Variants in RPS6KC1 observed in about 807,000 individuals in gnomAD.
The protein encoded by RPS6KC1 is inactive ribosomal protein S6 kinase delta-1.
RPS6KC1 carries 54 observed loss-of-function variants against 103.8 expected under a neutral mutation model. The ratio of observed to expected loss-of-function variants is 0.52; its 90% CI spans 0.42 to 0.65. The LOEUF (loss-of-function observed/expected upper bound fraction) is 0.65. RPS6KC1 is among the 30% of genes least tolerant of loss of function. RPS6KC1 has a pLI of 0.00. For synonymous variants in RPS6KC1, 439 were observed against 438.7 expected (o/e 1.00, Z -0.01); for missense variants, 1,151 against 1,253.8 (o/e 0.92, Z 1.24).
At chr1:213,103,856 G>A (rs2082235400) in intron 3 of RPS6KC1, among the ~76,000 whole-genome samples, 1 of 152,146 alleles carries the variant, frequency 6.6e-6, no homozygotes, top group Admixed American at 6.5e-5. Flanking sequence ...TCTATGGAAA[G>A]CACCTTTTGA....
chr1:213,463,451 A>T, the RPS6KC1 span, among the ~76,000 whole-genome samples: 16 of 152,288 alleles, frequency 1.1e-4, no homozygotes, highest in African/African-American at 3.9e-4. Flanking sequence ...AGTTTTAAGA[A>T]ACAGTACGGA....
chr1:213,847,766 T>TC, the RPS6KC1 span, among the ~76,000 whole-genome samples: 2 of 152,054 alleles, frequency 1.3e-5, no homozygotes, highest in African/African-American at 4.8e-5. Flanking sequence ...GGATCCTCTC[T>TC]CAGAAGACGC....
the RPS6KC1 span, among the ~76,000 whole-genome samples, chr1:213,601,500 A>G: frequency 6.7e-6 from 1 of 149,762 alleles, no homozygotes; most frequent in East Asian, 1.9e-4. Flanking sequence ...ATATATATTT[A>G]TATACTTATG....
rs188056304 is a variant in RPS6KC1, at chr1:213,105,140, C to G, written c.378+571C>G. 6.0e-5 allele frequency among the ~76,000 whole-genome samples: 9 copies of G among 150,670 alleles called. No individual in the cohort carries two copies. The East Asian group carries it at 1.7e-3, about 29-fold the overall frequency. On this transcript the variant is annotated intron_variant, in intron 4 of 14. Coordinates refer to ENST00000366960, the MANE Select transcript of RPS6KC1 (RefSeq NM_012424.6). ...AACTGCACAGTTTTAGAGAGCAGGC[C>G]AGTGCAAATTATATTACTGGAGATC...
the RPS6KC1 span, among the ~76,000 whole-genome samples, chr1:213,861,393 C>T: frequency 0.013 from 1,993 of 152,202 alleles, 25 homozygotes; most frequent in Middle Eastern, 0.02. Context: ...GGGTGCGCAC[C>T]CAGGCCCAGG....
the RPS6KC1 span, among the ~76,000 whole-genome samples, chr1:213,850,558 G>A: frequency 1.3e-5 from 2 of 152,160 alleles, no homozygotes; most frequent in Non-Finnish European, 2.9e-5. Flanking sequence ...GAGCTACTAA[G>A]CACCCACACA....
intron 10 of RPS6KC1, among the ~76,000 whole-genome samples, chr1:213,237,704 G>A (rs1015198956): frequency 2.0e-5 from 3 of 151,912 alleles, no homozygotes; most frequent in Non-Finnish European, 4.4e-5. Flanking sequence ...AAAAACAATA[G>A]ACTTAAAATC....
At chr1:213,741,158 C>T in the RPS6KC1 span, among the ~76,000 whole-genome samples, 1 of 151,008 alleles carries the variant, frequency 6.6e-6, no homozygotes, top group Non-Finnish European at 1.5e-5. Context: ...TTATGGGGTA[C>T]TACGTGGTGT....
chr1:213,502,367 G>A, the RPS6KC1 span, among the ~76,000 whole-genome samples: 2 of 152,110 alleles, frequency 1.3e-5, no homozygotes, highest in Admixed American at 1.3e-4. Context: ...CCTTAATAAA[G>A]AGCTTCTAGA....
the RPS6KC1 span, among the ~76,000 whole-genome samples, chr1:213,753,754 G>A: frequency 1.4e-4 from 21 of 152,084 alleles, no homozygotes; most frequent in African/African-American, 3.1e-4. Flanking sequence ...GCTCCTCCCC[G>A]ACTTCAACTC....
At chr1:213,490,139 T>C in the RPS6KC1 span, among the ~76,000 whole-genome samples, 1,452 of 152,226 alleles carry the variant, frequency 9.5e-3, 17 homozygotes, top group South Asian at 0.026. Context: ...GCAGTGAGGA[T>C]GGAGAAGGGC....
At chr1:213,719,839 G>A in the RPS6KC1 span, among the ~76,000 whole-genome samples, 1 of 152,172 alleles carries the variant, frequency 6.6e-6, no homozygotes, top group Non-Finnish European at 1.5e-5. Flanking sequence ...GTGATAGGGA[G>A]GAGAGGGTTG....
intron 7 of RPS6KC1, among the ~76,000 whole-genome samples, chr1:213,169,587 A>G (rs1558467415): frequency 6.6e-6 from 1 of 151,986 alleles, no homozygotes; most frequent in Non-Finnish European, 1.5e-5. Context: ...TTATGTAAAC[A>G]TTACTTTGAT....
the RPS6KC1 span, among the ~76,000 whole-genome samples, chr1:213,752,905 G>C: frequency 1.3e-5 from 2 of 152,172 alleles, no homozygotes; most frequent in African/African-American, 4.8e-5. Flanking sequence ...TCATCACAAA[G>C]AGCAAACCAG....
the RPS6KC1 span, among the ~76,000 whole-genome samples, chr1:213,345,147 C>T: frequency 6.6e-6 from 1 of 151,954 alleles, no homozygotes; most frequent in Admixed American, 6.6e-5. Flanking sequence ...TTTATTTACT[C>T]AAGAATAAAT....
At chr1:213,540,314 C>T in the RPS6KC1 span, among the ~76,000 whole-genome samples, 1 of 152,124 alleles carries the variant, frequency 6.6e-6, no homozygotes, top group Non-Finnish European at 1.5e-5. Flanking sequence ...AACAAGGTCT[C>T]ACTATGTTGT....
At chr1:213,113,190 G>A (rs1001255278) in intron 4 of RPS6KC1, among the ~76,000 whole-genome samples, 1 of 151,696 alleles carries the variant, frequency 6.6e-6, no homozygotes, top group Non-Finnish European at 1.5e-5. Context: ...CAGTGTAAAA[G>A]TGTTCCTATT....
the RPS6KC1 span, among the ~76,000 whole-genome samples, chr1:213,624,046 T>C: frequency 1.3e-5 from 2 of 152,152 alleles, no homozygotes; most frequent in African/African-American, 4.8e-5. Flanking sequence ...CACTGGAGAC[T>C]TCATTACAGA....
chr1:213,542,570 A>G, the RPS6KC1 span, among the ~76,000 whole-genome samples: 2 of 152,080 alleles, frequency 1.3e-5, no homozygotes, highest in Non-Finnish European at 2.9e-5. Flanking sequence ...TTCATTCTCC[A>G]TGTGTGAGGC....
Sources: allele counts gnomAD v4.1 joint callset (sites outside exome capture counted in the v4.1 genomes callset), GRCh38; gene constraint gnomAD v4.1.1; transcripts MANE v1.5; gene names NCBI Gene and HGNC (gene_info 2026-07-23, HGNC 2026-07-21).